Variants in LRRC20 observed in about 807,000 individuals in gnomAD.
LRRC20 encodes leucine rich repeat containing 20.
Under a neutral mutation model 14.4 loss-of-function variants are expected in LRRC20, and 11 were observed. The ratio of observed to expected loss-of-function variants is 0.77; its 90% CI spans 0.48 to 1.27. LRRC20 has a LOEUF of 1.27. Among genes scored for constraint, LRRC20 ranks in the 50% most tolerant of loss-of-function variants. The pLI, the probability that LRRC20 is intolerant of heterozygous loss-of-function variation, is 0.00. For synonymous variants in LRRC20, 121 were observed against 107.3 expected (o/e 1.13, Z -0.79); for missense variants, 219 against 251.2 (o/e 0.87, Z 0.87).
chr10:70,313,738 A>G (rs1463094001), intron 4 of LRRC20, among the ~76,000 whole-genome samples: 1 of 152,218 alleles, frequency 6.6e-6, no homozygotes, highest in Non-Finnish European at 1.5e-5. Context: ...TTTGGAAGTC[A>G]TGTAGCCAGG....
chr10:70,342,277 T>A (rs1842944579), intron 2 of LRRC20, among the ~76,000 whole-genome samples: 1 of 150,826 alleles, frequency 6.6e-6, no homozygotes, highest in African/African-American at 2.4e-5. Flanking sequence ...ACCACTGCAC[T>A]CCAACCTGGG....
chr10:70,372,929 C>A (rs1402111079), intron 2 of LRRC20, among the ~76,000 whole-genome samples: 1 of 125,094 alleles, frequency 8.0e-6, no homozygotes, highest in African/African-American at 3.1e-5. Context: ...ATGGCAAAAC[C>A]CCATCTCTAC....
intron 2 of LRRC20, among the ~76,000 whole-genome samples, chr10:70,340,979 C>T (rs1842894681): frequency 1.3e-5 from 2 of 152,168 alleles, no homozygotes. Flanking sequence ...TCGTGTCTGC[C>T]GGCACAAAGA....
intron 2 of LRRC20, among the ~76,000 whole-genome samples, chr10:70,344,221 A>AAAAAG (rs772622770): frequency 6.6e-6 from 1 of 152,286 alleles, no homozygotes; most frequent in East Asian, 1.9e-4. Flanking sequence ...AGAAAATAAA[A>AAAAAG]AAAAGAAAAG....
At chr10:70,363,689 CT>C (rs887480350) in intron 2 of LRRC20, among the ~76,000 whole-genome samples, 14 of 152,212 alleles carry the variant, frequency 9.2e-5, no homozygotes, top group Admixed American at 3.3e-4. Context: ...CAAAGCCTTC[CT>C]TTCAAATAGG....
At chr10:70,342,970 A>G (rs1384456130) in intron 2 of LRRC20, among the ~76,000 whole-genome samples, 1 of 152,230 alleles carries the variant, frequency 6.6e-6, no homozygotes, top group Non-Finnish European at 1.5e-5. Context: ...TAAACATGTG[A>G]AACTCAATAT....
intron 4 of LRRC20, among the ~76,000 whole-genome samples, chr10:70,323,527 G>A (rs536317692): frequency 6.6e-6 from 1 of 152,208 alleles, no homozygotes; most frequent in Non-Finnish European, 1.5e-5. Context: ...AAAGTACACA[G>A]AGGGCCAGAG....
chr10:70,300,915 G>A lies in LRRC20; in HGVS notation c.*439C>T. 1 of 990,892 alleles carries A rather than the reference G, an allele frequency of 1.0e-6. No homozygotes were observed. The highest frequency in any genetic ancestry group is 1.2e-6 in the Non-Finnish European group (1 of 833,832). 61.4% of individuals were successfully genotyped at this position (990,892 alleles called of 1,614,324 possible). On this transcript the variant is annotated 3_prime_UTR_variant, in exon 5 of 5. Coordinates refer to ENST00000446961, the MANE Select transcript of LRRC20 (RefSeq NM_001278212.2). ...TCTTCTCTTCTCAGGGCAGCAACTGGCTCTCAGCACTAAAAACAAGGCCTC... is the reference window on the plus strand; with the variant it reads ...TCTTCTCTTCTCAGGGCAGCAACTGACTCTCAGCACTAAAAACAAGGCCTC...
intron 3 of LRRC20, among the ~76,000 whole-genome samples, chr10:70,330,239 A>C (rs950982758): frequency 6.6e-6 from 1 of 151,402 alleles, no homozygotes; most frequent in African/African-American, 2.4e-5. Context: ...CTGGGCTTGG[A>C]GATTTCTTCT....
rs1479602279 is a variant in LRRC20, at chr10:70,318,894, A to G, written c.400+4969T>C. On this transcript the variant is annotated intron_variant, in intron 4 of 4. Coordinates refer to ENST00000446961, the MANE Select transcript of LRRC20 (RefSeq NM_001278212.2). ...GCAATCACAGCTCACTGCAACCTCAACCTCCCAGGCTCAATTGATCTACCA... is the reference window on the plus strand; with the variant it reads ...GCAATCACAGCTCACTGCAACCTCAGCCTCCCAGGCTCAATTGATCTACCA... Among the ~76,000 whole-genome samples the G allele has an allele frequency of 7.3e-5, 11 of 150,504 alleles. No individual in the cohort carries two copies. The Admixed American group carries it at 7.3e-4, about 10-fold the overall frequency.
intron 4 of LRRC20, among the ~76,000 whole-genome samples, chr10:70,319,679 CCTT>C (rs1375015665): frequency 8.5e-5 from 13 of 152,214 alleles, no homozygotes; most frequent in South Asian, 2.1e-4. Flanking sequence ...TGTAGCCCCT[CCTT>C]CTTCAGAAAT....
At chr10:70,336,943 T>C (rs1275639547) in intron 3 of LRRC20, among the ~76,000 whole-genome samples, 1 of 152,250 alleles carries the variant, frequency 6.6e-6, no homozygotes, top group Admixed American at 6.5e-5. Flanking sequence ...ACCCACTCTC[T>C]GCAGGGCCCA....
intron 2 of LRRC20, among the ~76,000 whole-genome samples, chr10:70,350,451 T>A (rs1359692392): frequency 6.6e-6 from 1 of 152,242 alleles, no homozygotes; most frequent in African/African-American, 2.4e-5. Flanking sequence ...TTATTAAAGC[T>A]TATCTCGTTA....
At chr10:70,315,737 T>G (rs1405664602) in intron 4 of LRRC20, among the ~76,000 whole-genome samples, 1 of 152,174 alleles carries the variant, frequency 6.6e-6, no homozygotes, top group African/African-American at 2.4e-5. Context: ...CCCTGCTCTT[T>G]TCCACCCATC....
At chr10:70,338,185 T>C (rs1842779736) in intron 3 of LRRC20, among the ~76,000 whole-genome samples, 1 of 152,188 alleles carries the variant, frequency 6.6e-6, no homozygotes, top group Non-Finnish European at 1.5e-5. Flanking sequence ...AACAGCTATG[T>C]AGACTAATCC....
intron 2 of LRRC20, among the ~76,000 whole-genome samples, chr10:70,345,844 C>T (rs1843055552): frequency 6.6e-6 from 1 of 152,184 alleles, no homozygotes; most frequent in Non-Finnish European, 1.5e-5. Flanking sequence ...GACTGTCTTT[C>T]ATGGTTAATT....
intron 4 of LRRC20, among the ~76,000 whole-genome samples, chr10:70,318,165 T>C (rs1207016777): frequency 6.6e-6 from 1 of 152,184 alleles, no homozygotes; most frequent in African/African-American, 2.4e-5. Context: ...ACTTTGAGAA[T>C]TGAGAGCCCA....
intron 3 of LRRC20, among the ~76,000 whole-genome samples, chr10:70,339,684 C>T (rs1283057852): frequency 1.3e-5 from 2 of 152,206 alleles, no homozygotes; most frequent in Non-Finnish European, 2.9e-5. Flanking sequence ...GAGAAGAGGG[C>T]AGGCACTGCA....
intron 1 of LRRC20, among the ~76,000 whole-genome samples, chr10:70,380,263 C>A (rs919833267): frequency 6.6e-6 from 1 of 152,210 alleles, no homozygotes; most frequent in African/African-American, 2.4e-5. Flanking sequence ...AGGGCCCCTT[C>A]CTTCTATGCC....
Sources: allele counts gnomAD v4.1 joint callset (sites outside exome capture counted in the v4.1 genomes callset), GRCh38; gene constraint gnomAD v4.1.1; transcripts MANE v1.5; gene names NCBI Gene and HGNC (gene_info 2026-07-23, HGNC 2026-07-21).